Variants in MICAL3 observed in about 807,000 individuals in gnomAD.
MICAL3 encodes [F-actin]-monooxygenase MICAL3.
Under a neutral mutation model 207.4 loss-of-function variants are expected in MICAL3, and 62 were observed. The ratio of observed to expected loss-of-function variants is 0.30; its 90% CI spans 0.24 to 0.37. The LOEUF is 0.37. MICAL3 is among the 10% of genes least tolerant of loss of function. The probability of loss-of-function intolerance (pLI) is 1.00; values close to 1 mark genes in which losing one functional copy is unlikely to be tolerated. For synonymous variants in MICAL3, 1,077 were observed against 1,069.3 expected (o/e 1.01, Z -0.14); for missense variants, 2,368 against 2,635.6 (o/e 0.90, Z 2.22).
At chr22:17,971,151 T>C (rs1256799637) in intron 1 of MICAL3, among the ~76,000 whole-genome samples, 1 of 151,910 alleles carries the variant, frequency 6.6e-6, no homozygotes, top group African/African-American at 2.4e-5. Context: ...CACTCCAGCT[T>C]GGGCAACAGA....
intron 1 of MICAL3, chr22:18,001,170 G>A (rs889709027): frequency 6.6e-6 from 1 of 152,136 alleles, no homozygotes; most frequent in Non-Finnish European, 1.5e-5. Flanking sequence ...GCCGGACGCA[G>A]GGTTATAAGC....
intron 1 of MICAL3, among the ~76,000 whole-genome samples, chr22:18,012,090 C>T (rs1320446623): frequency 2.0e-5 from 3 of 152,074 alleles, no homozygotes; most frequent in Non-Finnish European, 2.9e-5. Flanking sequence ...GAAAAATTAG[C>T]CAGGTATGGT....
At chr22:17,869,965 A>C (rs945757890) in intron 17 of MICAL3, among the ~76,000 whole-genome samples, 13 of 152,220 alleles carry the variant, frequency 8.5e-5, no homozygotes, top group African/African-American at 3.1e-4. Context: ...CTTCAGTTAG[A>C]CTTCTGAGAC....
intron 27 of MICAL3, chr22:17,813,604 A>G (rs2062071860): frequency 6.6e-6 from 1 of 152,260 alleles, no homozygotes. Context: ...GGCTGCAAAA[A>G]GCCCACAGGA....
chr22:17,892,511 AG>A (rs1930474926), intron 11 of MICAL3, among the ~76,000 whole-genome samples: 1 of 152,220 alleles, frequency 6.6e-6, no homozygotes, highest in South Asian at 2.1e-4. Flanking sequence ...TGTTTCATTT[AG>A]GTTTTTCGCC....
At chr22:17,879,772 A>C (rs1378089387) in intron 16 of MICAL3, among the ~76,000 whole-genome samples, 3 of 152,182 alleles carry the variant, frequency 2.0e-5, no homozygotes, top group Admixed American at 6.5e-5. Flanking sequence ...CCACAACAAG[A>C]CATTTTAGAA....
At chr22:17,819,939 T>A in intron 25 of MICAL3, among the ~76,000 whole-genome samples, 1 of 78,620 alleles carries the variant, frequency 1.3e-5, no homozygotes, top group African/African-American at 6.5e-5. Context: ...AGAGACTCCA[T>A]CTCAAAAAAA....
At chr22:18,004,891 G>A (rs1327092552) in intron 1 of MICAL3, 2 of 151,956 alleles carry the variant, frequency 1.3e-5, no homozygotes, top group Non-Finnish European at 2.9e-5. Flanking sequence ...CCAGATGAAA[G>A]ATAATCTCAT....
intron 17 of MICAL3, 61 bp downstream of exon 17, chr22:17,871,776 C>T: frequency 6.7e-7 from 1 of 1,486,308 alleles, no homozygotes. Context: ...GCGCCCAGCT[C>T]AGATGGAAAC....
chr22:17,973,090 G>C (rs1400782370), intron 1 of MICAL3, among the ~76,000 whole-genome samples: 1 of 152,266 alleles, frequency 6.6e-6, no homozygotes, highest in Non-Finnish European at 1.5e-5. Context: ...CCTACTTGCT[G>C]TGGGTCTTTA....
intron 1 of MICAL3, among the ~76,000 whole-genome samples, chr22:17,961,079 T>C (rs930009452): frequency 5.3e-5 from 8 of 151,970 alleles, no homozygotes; most frequent in African/African-American, 1.5e-4. Flanking sequence ...CCAGCACACC[T>C]AGGGACACCA....
intron 1 of MICAL3, among the ~76,000 whole-genome samples, chr22:17,967,729 G>A (rs966844417): frequency 7.2e-5 from 11 of 151,806 alleles, no homozygotes; most frequent in African/African-American, 1.9e-4. Context: ...GCAACACAGC[G>A]AAACCCCTTC....
chr22:17,867,419 T>C (rs1168279804), intron 17 of MICAL3, among the ~76,000 whole-genome samples: 2 of 152,240 alleles, frequency 1.3e-5, no homozygotes, highest in Non-Finnish European at 2.9e-5. Flanking sequence ...GCCACTCAGC[T>C]TTTGTAAATG....
At chr22:17,898,592 G>GT (rs878873981) in intron 7 of MICAL3, among the ~76,000 whole-genome samples, 2 of 152,228 alleles carry the variant, frequency 1.3e-5, no homozygotes, top group Admixed American at 1.3e-4. Context: ...AAATTCAGCT[G>GT]TGAGTCTCTT....
In MICAL3 at chr22:17,947,970, T is replaced by G. The variant is rs138269357; in HGVS notation, c.-74-41084A>C. 4.0e-3 allele frequency among the ~76,000 whole-genome samples: 609 copies of G among 150,916 alleles called. 3 individuals carry two copies. Among genetic ancestry groups the G allele is most frequent in the African/African-American group, 0.014 (571 of 40,678 alleles). On this transcript the variant is annotated intron_variant, in intron 1 of 31. Transcript: ENST00000441493. ...GACATTATGTGTTTAATAGCAAAAG[T>G]TTAAAAAAAAAAAACCCACAAAACT...
chr22:17,818,055 C>A lies in MICAL3; in HGVS notation c.4606G>T (p.Asp1536Tyr). The change falls in exon 26 of 32, where the codon GAC (aspartate) becomes TAC (tyrosine). Residue 1536 changes from aspartate (D) to tyrosine (Y), a missense_variant. Asp to Tyr is a radical substitution (Grantham distance 160, BLOSUM62 -3). Around this residue, in one of 4 missense-constraint regions of MICAL3, gnomAD observed 1,770 missense variants for 1,863.2 expected, o/e 0.95. Coordinates refer to ENST00000441493, the MANE Select transcript of MICAL3 (RefSeq NM_015241.3). ...VEDTYDDKTE[D>Y]SSLQEKFFTP... ...AAGAATTTCTCCTGCAGGCTTGAGTCCTCAGTCTTGTCGTCATAGGTGTCC... is the reference window on the plus strand; with the variant it reads ...AAGAATTTCTCCTGCAGGCTTGAGTACTCAGTCTTGTCGTCATAGGTGTCC... 1 of 1,613,054 alleles carries A rather than the reference C, an allele frequency of 6.2e-7. No individual in the cohort carries two copies. The highest frequency in any genetic ancestry group is 1.3e-5 in the African/African-American group (1 of 75,010).
chr22:17,980,567 A>C (rs1199369188), intron 1 of MICAL3, among the ~76,000 whole-genome samples: 1 of 152,208 alleles, frequency 6.6e-6, no homozygotes. Context: ...GCTGAACTTA[A>C]GTATTTACTT....
In MICAL3 at chr22:17,827,690, C is replaced by G; in HGVS notation, c.3147G>C (p.Glu1049Asp). 6.3e-7 allele frequency: 1 copy of G among 1,583,042 alleles called. No homozygotes were observed. The highest frequency in any genetic ancestry group is 2.3e-5 in the East Asian group (1 of 43,038). ...AGGCCGGCGCCATCCTCTCTTCCTC[C>G]TCTCTCTCACGGATATGAGTCCAGT... The part of the protein sequence containing the change: ...DVHWTHIRER[E>D]EEERMAPASE... The change falls in exon 22 of 32, where the codon GAG (glutamate) becomes GAC (aspartate). Residue 1049 changes from glutamate to aspartate, a missense_variant. Physicochemically the swap from Glu to Asp is conservative, Grantham distance 45. Coordinates refer to ENST00000441493, the MANE Select transcript of MICAL3 (RefSeq NM_015241.3).
rs1337544323 is a variant in MICAL3, at chr22:17,906,817, C to T, written c.-5G>A. The stretch of plus-strand genomic sequence containing the variant: ...CTCATGCTTCCTCTCCTCCATGCTG[C>T]CTCACTCTCAGCACTCCCCAGAGGG... On this transcript the variant is annotated 5_prime_UTR_variant, in exon 2 of 32. Coordinates refer to ENST00000441493, the MANE Select transcript of MICAL3 (RefSeq NM_015241.3). 7 of 1,592,770 alleles carry T rather than the reference C, an allele frequency of 4.4e-6. No homozygotes were observed. The highest frequency in any genetic ancestry group is 1.7e-5 in the Admixed American group (1 of 58,500).
Sources: gnomAD v4.1 joint callset for allele counts (sites outside exome capture counted in the v4.1 genomes callset) on GRCh38, gnomAD v4.1.1 for gene constraint, gnomAD v4.1.1 regional missense constraint, MANE v1.5 for transcripts, NCBI Gene and HGNC (gene_info 2026-07-23, HGNC 2026-07-21) for gene names.